Variants in PALS2 observed in about 807,000 individuals in gnomAD.
PALS2 encodes the protein protein associated with LIN7 2, MAGUK p55 family member.
Under a neutral mutation model 61.6 loss-of-function variants are expected in PALS2, and 27 were observed. The ratio of observed to expected loss-of-function variants is 0.44; its 90% CI spans 0.32 to 0.60. The LOEUF is 0.60. PALS2 is among the 20% of genes least tolerant of loss of function. The probability of loss-of-function intolerance (pLI) is 0.05; values close to 1 mark genes in which losing one functional copy is unlikely to be tolerated. For synonymous variants in PALS2, 236 were observed against 218.6 expected, an observed-to-expected ratio of 1.08 and a Z score of -0.70; for missense variants, 554 against 639.4, an observed-to-expected ratio of 0.87 and a Z score of 1.44.
rs1275719626 is a variant in PALS2, at chr7:24,618,634, AG to A, written c.-2-5031del. On this transcript the variant is annotated intron_variant, in intron 1 of 11. Coordinates refer to ENST00000222644, the MANE Select transcript of PALS2 (RefSeq NM_001303037.2). The surrounding 1 kb of genome is among the most constrained non-coding windows in gnomAD (Gnocchi z 5.1). ...TGTAGTAAGGATTGCATGTGTTTGC[AG>A]TGGGAGTGGAGGCTGCTGAGGTTCC... is the stretch of plus-strand genomic sequence containing the variant. 6.6e-6 allele frequency among the ~76,000 whole-genome samples: 1 copy of A among 152,214 alleles called. No individual in the cohort carries two copies. Among genetic ancestry groups the A allele is most frequent in the Non-Finnish European group, 1.5e-5 (1 of 68,034 alleles).
chr7:24,595,513 TA>T, intron 1 of PALS2, among the ~76,000 whole-genome samples: 1 of 90,070 alleles, frequency 1.1e-5, no homozygotes, highest in African/African-American at 6.7e-5. Context: ...ATATATAATA[TA>T]TAATATATAT....
At chr7:24,575,230 C>G (rs1028234559) in intron 1 of PALS2, among the ~76,000 whole-genome samples, 2 of 152,088 alleles carry the variant, frequency 1.3e-5, no homozygotes, top group African/African-American at 4.8e-5. Context: ...CTTACTGATG[C>G]CACCGAATTC....
chr7:24,602,767 A>G (rs971850744), intron 1 of PALS2, among the ~76,000 whole-genome samples: 2 of 152,126 alleles, frequency 1.3e-5, no homozygotes, highest in East Asian at 3.9e-4. Flanking sequence ...TCCCCACCCA[A>G]ATCTCATCTT....
chr7:24,687,539 C>G lies in PALS2; in HGVS notation c.1548C>G (p.Ala516=). The change falls in exon 12 of 12, where the codon GCC becomes GCG. Residue 516 remains alanine (A), a synonymous_variant. Transcript: ENST00000222644. This position sits in a 1 kb window ranked among gnomAD's most constrained non-coding sequence, Gnocchi z 4.5. The stretch of plus-strand genomic sequence containing the variant: ...TCATAAATGATAATCTAGACAAAGC[C>G]TTTGAAAAACTGCAAACTGCCATAG... ...LIIINDNLDK[A]FEKLQTAIEK... The G allele has an allele frequency of 6.2e-7, 1 of 1,612,994 alleles. No homozygotes were observed. The highest frequency in any genetic ancestry group is 8.5e-7 in the Non-Finnish European group (1 of 1,179,606).
Position 24,607,581 on chromosome 7 carries a change from A to G in PALS2, c.-2-16085A>G, listed in dbSNP as rs919244019. Among the ~76,000 whole-genome samples, 24 of 120,470 alleles carry G rather than the reference A, an allele frequency of 2.0e-4. 1 individual carries two copies. Among genetic ancestry groups the G allele is most frequent in the East Asian group, 7.6e-4 (2 of 2,636 alleles). The allele number at this position is 120,470 out of a possible 152,430, so 79.0% of individuals were successfully genotyped here. ...TGTGTATATATACATATATGTGTGT[A>G]TATATACATATATGTGTGTGTATAT... On this transcript the variant is annotated intron_variant, in intron 1 of 11. Transcript: ENST00000222644.
At chr7:24,612,847 G>A (rs1784161944) in intron 1 of PALS2, among the ~76,000 whole-genome samples, 1 of 151,764 alleles carries the variant, frequency 6.6e-6, no homozygotes, top group African/African-American at 2.4e-5. Context: ...CTACAAGTTT[G>A]AAAAGTAGTC....
chr7:24,642,055 A>G (rs1172230518), intron 3 of PALS2, among the ~76,000 whole-genome samples, 187 bp downstream of exon 3: 1 of 152,260 alleles, frequency 6.6e-6, no homozygotes, highest in African/African-American at 2.4e-5. Context: ...ATATGTAACA[A>G]TAATGCTACA....
At chr7:24,662,800 A>G (rs1282293142) in intron 5 of PALS2, among the ~76,000 whole-genome samples, 1 of 130,736 alleles carries the variant, frequency 7.6e-6, no homozygotes, top group Admixed American at 7.3e-5. Flanking sequence ...AAAAAAAGAA[A>G]GAAAGAAAGA....
intron 5 of PALS2, among the ~76,000 whole-genome samples, chr7:24,655,810 G>A (rs1231432607): frequency 6.6e-6 from 1 of 151,684 alleles, no homozygotes; most frequent in Non-Finnish European, 1.5e-5. Flanking sequence ...ACAGGTGTGT[G>A]CCACCATGCC....
At chr7:24,686,218 G>A (rs764264747) in intron 11 of PALS2, among the ~76,000 whole-genome samples, 7 of 152,132 alleles carry the variant, frequency 4.6e-5, no homozygotes, top group Non-Finnish European at 8.8e-5. Context: ...TAAATTTACA[G>A]TCTGGTGTCA....
intron 1 of PALS2, among the ~76,000 whole-genome samples, chr7:24,604,192 G>GT (rs1783812555): frequency 7.7e-6 from 1 of 130,348 alleles, no homozygotes; most frequent in Admixed American, 8.3e-5. Context: ...AGCCTGGGCA[G>GT]TAAAGACCCT....
At chr7:24,578,460 T>A (rs1057462001) in intron 1 of PALS2, among the ~76,000 whole-genome samples, 6 of 152,230 alleles carry the variant, frequency 3.9e-5, no homozygotes, top group African/African-American at 1.4e-4. Flanking sequence ...CTAGTTGTTA[T>A]AAAGGGAATT....
At position 24,674,341 on chromosome 7, in the gene PALS2, ATTC is replaced by A. The variant is rs199716845; in HGVS notation, c.1115-4786_1115-4784del. On this transcript the variant is annotated intron_variant, in intron 9 of 11. Coordinates refer to ENST00000222644, the MANE Select transcript of PALS2 (RefSeq NM_001303037.2). Reference sequence around the variant, plus strand: ...GCTTACTCTTACTCATTTTGTCCCTATTCTTCAGCCCATCCATGTTAGCTCTTA... The same window carrying A: ...GCTTACTCTTACTCATTTTGTCCCTATTCAGCCCATCCATGTTAGCTCTTA... 7.8e-5 allele frequency: 12 copies of A among 153,256 alleles called. No individual in the cohort carries two copies. The East Asian group carries it at 2.1e-3, about 27-fold the overall frequency. The allele number at this position is 153,256 out of a possible 1,614,324, so 9.5% of individuals were successfully genotyped here.
chr7:24,614,557 T>C (rs1251162967), intron 1 of PALS2, among the ~76,000 whole-genome samples: 2 of 152,060 alleles, frequency 1.3e-5, no homozygotes, highest in African/African-American at 4.8e-5. Context: ...AAATCAATTA[T>C]AAATGCACAC....
At chr7:24,613,944 T>C (rs1009002627) in intron 1 of PALS2, among the ~76,000 whole-genome samples, 2 of 151,978 alleles carry the variant, frequency 1.3e-5, no homozygotes, top group Non-Finnish European at 2.9e-5. Context: ...TGAATAGTAT[T>C]CCATTATGTA....
At chr7:24,602,537 A>G (rs1001238192) in intron 1 of PALS2, among the ~76,000 whole-genome samples, 3 of 152,184 alleles carry the variant, frequency 2.0e-5, no homozygotes, top group African/African-American at 7.2e-5. Flanking sequence ...AGAAGACTTC[A>G]CATCTGCCTG....
intron 1 of PALS2, among the ~76,000 whole-genome samples, chr7:24,621,433 A>G (rs1784512731): frequency 6.6e-6 from 1 of 152,142 alleles, no homozygotes; most frequent in Non-Finnish European, 1.5e-5. Context: ...GAAAAAACTT[A>G]AGAGTTCCAT....
rs375527649 is a variant in PALS2, at chr7:24,680,369, C to T, written c.1318-23C>T. Reference sequence around the variant, plus strand: ...CTAGTTCTAATATTGTATAAATTGGCTTATAATTATTCTTTTACACAGGCA... The same window carrying T: ...CTAGTTCTAATATTGTATAAATTGGTTTATAATTATTCTTTTACACAGGCA... On this transcript the variant is annotated intron_variant, in intron 10 of 11. Coordinates refer to ENST00000222644, the MANE Select transcript of PALS2 (RefSeq NM_001303037.2). The T allele has an allele frequency of 2.1e-5, 33 of 1,599,696 alleles. No individual in the cohort carries two copies. In the African/African-American group the frequency reaches 4.2e-4, roughly 20 times the overall value.
At chr7:24,603,064 C>T (rs1783775585) in intron 1 of PALS2, among the ~76,000 whole-genome samples, 1 of 152,154 alleles carries the variant, frequency 6.6e-6, no homozygotes, top group Admixed American at 6.5e-5. Context: ...TGGGTCATAC[C>T]AGCATGGGAA....
Sources: allele counts gnomAD v4.1 joint callset (sites outside exome capture counted in the v4.1 genomes callset), GRCh38; gene constraint gnomAD v4.1.1; non-coding constraint Gnocchi (gnomAD v3.1); transcripts MANE v1.5; gene names NCBI Gene and HGNC (gene_info 2026-07-23, HGNC 2026-07-21).